Variants in CYP2J2 observed in about 807,000 individuals in gnomAD.
CYP2J2 encodes cytochrome P450 2J2.
A neutral mutation model predicts 48.8 loss-of-function variants in CYP2J2; 41 were observed. The observed-to-expected ratio is 0.84, with a 90% CI of 0.66 to 1.09. CYP2J2 has a LOEUF of 1.09. Ranked by LOEUF, CYP2J2 falls within the 50% of genes least tolerant of loss-of-function variation. CYP2J2 has a pLI of 0.00. For synonymous variants in CYP2J2, 221 were observed against 227.1 expected (o/e 0.97, Z 0.24); for missense variants, 644 against 617.3 (o/e 1.04, Z -0.46).
At chr1:59,954,965 C>T in the CYP2J2 span, among the ~76,000 whole-genome samples, 4 of 151,814 alleles carry the variant, frequency 2.6e-5, no homozygotes, top group East Asian at 7.8e-4. Flanking sequence ...GGCACAACCC[C>T]TTCTCTACAA....
chr1:59,907,511 C>G (rs1363740533), intron 6 of CYP2J2, among the ~76,000 whole-genome samples: 1 of 152,194 alleles, frequency 6.6e-6, no homozygotes, highest in East Asian at 1.9e-4. Flanking sequence ...TTAACTGTTT[C>G]CTGGAACTAT....
chr1:59,919,941 G>C (rs1389240249), intron 1 of CYP2J2, among the ~76,000 whole-genome samples: 2 of 152,036 alleles, frequency 1.3e-5, no homozygotes, highest in Non-Finnish European at 2.9e-5. Context: ...GTAATACAAA[G>C]ATCAATATGA....
At chr1:59,894,154 A>G (rs933925935) in intron 8 of CYP2J2, among the ~76,000 whole-genome samples, 2 of 152,218 alleles carry the variant, frequency 1.3e-5, no homozygotes, top group Non-Finnish European at 2.9e-5. Flanking sequence ...GAGCTTTAAA[A>G]AAATCATTTA....
intron 6 of CYP2J2, among the ~76,000 whole-genome samples, chr1:59,907,074 C>A (rs1048162166): frequency 1.3e-5 from 2 of 152,108 alleles, no homozygotes; most frequent in Admixed American, 1.3e-4. Context: ...CTTGAGTGGA[C>A]TATAGTCTGT....
chr1:59,908,031 G>A (rs1366640659), intron 5 of CYP2J2, 104 bp from the exon 6 acceptor site: 1 of 1,143,332 alleles, frequency 8.7e-7, no homozygotes, highest in African/African-American at 1.6e-5. Flanking sequence ...GGAAGAAAAG[G>A]TCCCCAAAAG....
chr1:59,966,572 C>T, the CYP2J2 span, among the ~76,000 whole-genome samples: 8 of 152,264 alleles, frequency 5.3e-5, no homozygotes, highest in East Asian at 3.9e-4. Context: ...CCTAATGCAA[C>T]ATGAAATGTG....
At chr1:59,907,534 T>A (rs954512979) in intron 6 of CYP2J2, among the ~76,000 whole-genome samples, 6 of 152,228 alleles carry the variant, frequency 3.9e-5, no homozygotes, top group Non-Finnish European at 7.3e-5. Context: ...CAATGTCGAC[T>A]GACTTCGTTG....
the CYP2J2 span, among the ~76,000 whole-genome samples, chr1:59,956,928 C>A: frequency 6.6e-6 from 1 of 152,108 alleles, no homozygotes; most frequent in South Asian, 2.1e-4. Flanking sequence ...ATGTAAGAGG[C>A]CCTATTACCT....
intron 1 of CYP2J2, among the ~76,000 whole-genome samples, chr1:59,921,128 T>A (rs994971262): frequency 6.6e-6 from 1 of 152,148 alleles, no homozygotes; most frequent in Non-Finnish European, 1.5e-5. Context: ...AGCCTTGTAT[T>A]TTGCCTGGCA....
At chr1:59,926,927 A>G, upstream of CYP2J2, 1 of 615,584 alleles carries the variant, frequency 1.6e-6, no homozygotes. Context: ...AGAAAAGGCC[A>G]GGCTAGGAGC....
At chr1:59,935,026 A>ATATATATATATG in the CYP2J2 span, among the ~76,000 whole-genome samples, 8 of 92,574 alleles carry the variant, frequency 8.6e-5, no homozygotes, top group Non-Finnish European at 4.7e-5. Flanking sequence ...ATATATATAT[A>ATATATATATATG]TATATATATA....
Position 59,926,646 on chromosome 1 carries a change from AAGTC to A in CYP2J2, c.97_100del (p.Asp33PhefsTer39), listed in dbSNP as rs1186127692. On this transcript the variant is annotated frameshift_variant, in exon 1 of 9. Transcript: ENST00000371204. LOFTEE classifies it high-confidence loss of function. The stretch of plus-strand genomic sequence containing the variant: ...GTTCTTTGGGCGCCGTCTTTTGAGA[AAGTC>A]AGCAGCGAGCAGAAAGGCGACAGTG... The A allele has an allele frequency of 1.9e-6, 3 of 1,614,190 alleles. No homozygotes were observed. The highest frequency in any genetic ancestry group is 1.3e-5 in the African/African-American group (1 of 75,062).
At chr1:59,893,929 G>A in intron 8 of CYP2J2, 100 bp from the exon 9 acceptor site, 1 of 1,215,934 alleles carries the variant, frequency 8.2e-7, no homozygotes, top group Non-Finnish European at 1.1e-6. Context: ...ATGGAGCAGA[G>A]GAAGGGCCTG....
At chr1:59,906,043 G>A (rs140664840) in intron 6 of CYP2J2, among the ~76,000 whole-genome samples, 1,722 of 152,220 alleles carry the variant, frequency 0.011, 24 homozygotes, top group African/African-American at 0.039. Flanking sequence ...AAAATTAGCC[G>A]GGCGTGGTGG....
chr1:59,931,982 G>C, the CYP2J2 span, among the ~76,000 whole-genome samples: 1 of 151,966 alleles, frequency 6.6e-6, no homozygotes, highest in South Asian at 2.1e-4. Context: ...AATGTTTTTT[G>C]AATGCTTTAA....
At chr1:59,935,011 TATAC>T in the CYP2J2 span, among the ~76,000 whole-genome samples, 1,113 of 39,474 alleles carry the variant, frequency 0.028, 7 homozygotes, top group South Asian at 0.051. Context: ...TATATATATA[TATAC>T]ATATATATAT....
intron 1 of CYP2J2, among the ~76,000 whole-genome samples, chr1:59,921,540 C>A (rs1467093063): frequency 1.3e-5 from 2 of 152,078 alleles, no homozygotes; most frequent in African/African-American, 4.8e-5. Flanking sequence ...TGAGGGGCAC[C>A]TGTTCACATG....
intron 1 of CYP2J2, among the ~76,000 whole-genome samples, chr1:59,925,514 T>G (rs892656194): frequency 6.6e-6 from 1 of 152,138 alleles, no homozygotes; most frequent in Non-Finnish European, 1.5e-5. Flanking sequence ...TGGAAATAAT[T>G]AACAGAAATG....
At chr1:59,904,051 G>A (rs11572295) in intron 7 of CYP2J2, among the ~76,000 whole-genome samples, 376 of 152,174 alleles carry the variant, frequency 2.5e-3, no homozygotes, top group African/African-American at 8.5e-3. Context: ...TATTGCACAC[G>A]CTTAGATTGG....
Sources: gnomAD v4.1 joint callset for allele counts (sites outside exome capture counted in the v4.1 genomes callset) on GRCh38, gnomAD v4.1.1 for gene constraint, MANE v1.5 for transcripts, NCBI Gene and HGNC (gene_info 2026-07-23, HGNC 2026-07-21) for gene names.